PDE10A: variants seen among roughly 807,000 people sequenced by gnomAD.
PDE10A encodes phosphodiesterase 10A.
A neutral mutation model predicts 97.7 loss-of-function variants in PDE10A; 39 were observed. The ratio of observed to expected loss-of-function variants is 0.40; its 90% CI spans 0.31 to 0.52. The LOEUF is 0.52. Ranked by LOEUF, PDE10A falls within the 20% of genes least tolerant of loss-of-function variation. PDE10A has a pLI of 0.56. For synonymous variants in PDE10A, 371 were observed against 376.8 expected (o/e 0.98, Z 0.18); for missense variants, 731 against 1,047.8 (o/e 0.70, Z 4.17).
chr6:165,919,932 C>A (rs193270369), intron 1 of PDE10A, among the ~76,000 whole-genome samples: 2 of 152,212 alleles, frequency 1.3e-5, no homozygotes, highest in Non-Finnish European at 2.9e-5. Flanking sequence ...GCCCACCCTT[C>A]ATATTCCTTA....
chr6:165,488,928 G>A (rs1780073470), intron 2 of PDE10A, among the ~76,000 whole-genome samples: 1 of 152,066 alleles, frequency 6.6e-6, no homozygotes, highest in Non-Finnish European at 1.5e-5. Flanking sequence ...CCCTGCCCAA[G>A]GGGAGTCTGA....
intron 1 of PDE10A, among the ~76,000 whole-genome samples, chr6:165,615,220 A>AAAAAAG (rs547731839): frequency 6.7e-5 from 10 of 148,536 alleles, no homozygotes; most frequent in South Asian, 2.1e-4. Context: ...AGAAAAAAAA[A>AAAAAAG]AAAGAAAGAA....
chr6:165,983,244 C>G (rs1785075669), intron 1 of PDE10A, among the ~76,000 whole-genome samples: 1 of 152,188 alleles, frequency 6.6e-6, no homozygotes, highest in African/African-American at 2.4e-5. Flanking sequence ...AGTGTGTACA[C>G]AATGACCCAT....
intron 1 of PDE10A, among the ~76,000 whole-genome samples, chr6:165,945,690 C>T (rs1457620546): frequency 6.6e-6 from 1 of 152,214 alleles, no homozygotes; most frequent in Admixed American, 6.5e-5. Context: ...GACTTCCCAG[C>T]CTGCAGGACT....
rs1789463826 is a variant in PDE10A, at chr6:165,430,362, T to C, written c.1543-17A>G. On this transcript the variant is annotated splice_polypyrimidine_tract_variant and intron_variant, in intron 8 of 21. Transcript: ENST00000539869. ...TCTGCATACCTACCATATAAAATAA[T>C]AGGTACAATTACAAGAGATTTCTGC... 4 of 1,490,058 alleles carry C rather than the reference T, an allele frequency of 2.7e-6. No homozygotes were observed. Among genetic ancestry groups the C allele is most frequent in the Non-Finnish European group, 2.8e-6 (3 of 1,076,104 alleles). 92.3% of individuals were successfully genotyped at this position (1,490,058 alleles called of 1,614,324 possible).
chr6:165,410,039 A>G (rs892585671), intron 13 of PDE10A, among the ~76,000 whole-genome samples: 1 of 152,178 alleles, frequency 6.6e-6, no homozygotes, highest in African/African-American at 2.4e-5. Context: ...CAAGGGATAC[A>G]TGGACAAATG....
rs191986364 is a variant in PDE10A, at chr6:165,385,711, G to T, written c.2610+2587C>A. ...AGGATTACTGCAAAATCAGCCAAGTGTACAGAAATTTTCCGAAGAGGAAGA... is the reference window on the plus strand; with the variant it reads ...AGGATTACTGCAAAATCAGCCAAGTTTACAGAAATTTTCCGAAGAGGAAGA... On this transcript the variant is annotated intron_variant, in intron 17 of 21. Transcript: ENST00000539869. Among the ~76,000 whole-genome samples the T allele has an allele frequency of 2.2e-3, 338 of 152,308 alleles. 2 individuals are homozygous for T. The highest frequency in any genetic ancestry group is 2.7e-3 in the Non-Finnish European group (182 of 68,036).
Position 165,798,727 on chromosome 6 carries a change from A to T in PDE10A, c.-615+188802T>A, listed in dbSNP as rs569647565. On this transcript the variant is annotated intron_variant, in intron 1 of 19. Transcript: ENST00000366882. The stretch of plus-strand genomic sequence containing the variant: ...AAACCAATCACACACACACACACAC[A>T]CATTTAGACAGAGTCTCACTCTGTT... Among the ~76,000 whole-genome samples, 152 of 152,152 alleles carry T rather than the reference A, an allele frequency of 1.0e-3. 1 individual carries two copies. The highest frequency in any genetic ancestry group is 3.6e-3 in the African/African-American group (148 of 41,514).
At chr6:165,384,574 A>G (rs1474283260) in intron 17 of PDE10A, among the ~76,000 whole-genome samples, 2 of 150,876 alleles carry the variant, frequency 1.3e-5, no homozygotes, top group African/African-American at 2.4e-5. Context: ...GCTGTGAGCA[A>G]ATACCCACTT....
intron 1 of PDE10A, among the ~76,000 whole-genome samples, chr6:165,832,602 G>A (rs1416625408): frequency 6.6e-6 from 1 of 152,142 alleles, no homozygotes; most frequent in Non-Finnish European, 1.5e-5. Flanking sequence ...CCTTCTCCGT[G>A]GCCCTAAACA....
intron 1 of PDE10A, among the ~76,000 whole-genome samples, chr6:165,900,540 T>C (rs142838911): frequency 3.3e-5 from 5 of 152,216 alleles, no homozygotes; most frequent in African/African-American, 1.2e-4. Context: ...TCTCTCTCTC[T>C]CTCTCTTTTG....
intron 2 of PDE10A, among the ~76,000 whole-genome samples, chr6:165,530,715 C>T (rs547973090): frequency 5.2e-4 from 79 of 152,164 alleles, no homozygotes; most frequent in Admixed American, 1.1e-3. Context: ...AAAGTTTTTG[C>T]TTCAATTTTA....
intron 2 of PDE10A, among the ~76,000 whole-genome samples, chr6:165,516,474 G>C (rs1326740941): frequency 6.6e-6 from 1 of 152,030 alleles, no homozygotes; most frequent in Non-Finnish European, 1.5e-5. Flanking sequence ...TGTTTTTATG[G>C]ACCTACATCA....
chr6:165,816,954 A>T (rs1411595958), intron 1 of PDE10A, among the ~76,000 whole-genome samples: 1 of 152,140 alleles, frequency 6.6e-6, no homozygotes, highest in Non-Finnish European at 1.5e-5. Flanking sequence ...GGGAGAAGCA[A>T]TGGGGCCATA....
intron 1 of PDE10A, among the ~76,000 whole-genome samples, chr6:165,722,377 A>G (rs548829721): frequency 2.0e-5 from 3 of 152,346 alleles, no homozygotes; most frequent in African/African-American, 7.2e-5. Context: ...GAAAAGATAC[A>G]GTAGTCCCCA....
chr6:165,759,103 C>T (rs1054986252), intron 1 of PDE10A, among the ~76,000 whole-genome samples: 5 of 152,122 alleles, frequency 3.3e-5, no homozygotes, highest in African/African-American at 1.2e-4. Flanking sequence ...AGCAGGGGTC[C>T]CAGGAGCTAT....
At chr6:165,376,839 C>T (rs983715371) in intron 18 of PDE10A, among the ~76,000 whole-genome samples, 23 of 152,030 alleles carry the variant, frequency 1.5e-4, no homozygotes, top group African/African-American at 4.6e-4. Context: ...GGATCCCTGG[C>T]GCCCAGGAGT....
chr6:165,888,530 C>G (rs914313286), intron 1 of PDE10A, among the ~76,000 whole-genome samples: 4 of 151,968 alleles, frequency 2.6e-5, no homozygotes, highest in Non-Finnish European at 5.9e-5. Context: ...ATGCTCCACC[C>G]GCCTCAGCCT....
intron 1 of PDE10A, among the ~76,000 whole-genome samples, chr6:165,603,176 G>A (rs1334249839): frequency 6.6e-6 from 1 of 152,174 alleles, no homozygotes; most frequent in African/African-American, 2.4e-5. Flanking sequence ...CAAAGACTCT[G>A]CATGAGTAAA....
Sources: gnomAD v4.1 joint callset for allele counts (sites outside exome capture counted in the v4.1 genomes callset) on GRCh38, gnomAD v4.1.1 for gene constraint, MANE v1.5 for transcripts, NCBI Gene and HGNC (gene_info 2026-07-23, HGNC 2026-07-21) for gene names.